BRINP3: variants seen among roughly 807,000 people sequenced by gnomAD.
BRINP3 encodes BMP/retinoic acid-inducible neural-specific protein 3.
In BRINP3, 19 loss-of-function variants were observed where a neutral mutation model predicts 71.0. That is an observed-to-expected ratio of 0.27 (90% CI 0.19 to 0.39). BRINP3 has a LOEUF of 0.39. BRINP3 is among the 10% of genes least tolerant of loss of function. The probability of loss-of-function intolerance (pLI) is 1.00; values close to 1 mark genes in which losing one functional copy is unlikely to be tolerated. For synonymous variants in BRINP3, 380 were observed against 337.7 expected, an observed-to-expected ratio of 1.13 and a Z score of -1.37; for missense variants, 959 against 940.8, an observed-to-expected ratio of 1.02 and a Z score of -0.25.
chr1:190,252,708 T>C (rs1443584195), intron 4 of BRINP3, among the ~76,000 whole-genome samples: 4 of 152,068 alleles, frequency 2.6e-5, no homozygotes, highest in Admixed American at 6.6e-5. Context: ...GATGAGAGAA[T>C]AAACTACTTC....
chr1:190,264,776 A>G (rs1571564915), intron 4 of BRINP3, 89 bp downstream of exon 4: 2 of 994,816 alleles, frequency 2.0e-6, no homozygotes, highest in East Asian at 2.7e-5. Context: ...GTTTAAATTC[A>G]TGGAATAAGC....
At chr1:190,438,434 A>T (rs1674609554) in intron 2 of BRINP3, among the ~76,000 whole-genome samples, 1 of 151,484 alleles carries the variant, frequency 6.6e-6, no homozygotes, top group East Asian at 1.9e-4. Flanking sequence ...TGGTCACACA[A>T]TTAACAAAAT....
At chr1:190,357,754 T>C (rs1330625771) in intron 2 of BRINP3, among the ~76,000 whole-genome samples, 4 of 151,954 alleles carry the variant, frequency 2.6e-5, no homozygotes, top group Non-Finnish European at 5.9e-5. Context: ...ATAAATTACC[T>C]TGGGCAGTAT....
chr1:190,256,102 T>A (rs1660636874), intron 4 of BRINP3, among the ~76,000 whole-genome samples: 2 of 152,194 alleles, frequency 1.3e-5, no homozygotes, highest in Non-Finnish European at 2.9e-5. Flanking sequence ...TAATCCTGAG[T>A]TCTAATTTGA....
At chr1:190,277,444 C>T (rs943772239) in intron 3 of BRINP3, among the ~76,000 whole-genome samples, 11 of 151,156 alleles carry the variant, frequency 7.3e-5, no homozygotes, top group South Asian at 2.1e-4. Context: ...TCAGGAGATG[C>T]GGATAAGGGC....
In BRINP3 at chr1:190,462,165, G is replaced by A. The variant is rs189723105; in HGVS notation, c.-50-7225C>T. Among the ~76,000 whole-genome samples the A allele has an allele frequency of 3.9e-4, 59 of 152,144 alleles. 3 individuals carry two copies. The East Asian group carries it at 0.011, about 27-fold the overall frequency. ...GATTTCAGGTAATCCACTCATCTCAGTCTCCCAAAGTGCTGGGATTACAGG... is the reference window on the plus strand; with the variant it reads ...GATTTCAGGTAATCCACTCATCTCAATCTCCCAAAGTGCTGGGATTACAGG... On this transcript the variant is annotated intron_variant, in intron 1 of 7. Transcript: ENST00000367462.
At chr1:190,352,285 AC>A (rs761602339) in intron 2 of BRINP3, among the ~76,000 whole-genome samples, 7 of 152,036 alleles carry the variant, frequency 4.6e-5, no homozygotes, top group African/African-American at 7.2e-5. Flanking sequence ...GAATCAGTAA[AC>A]CTTAATCTGT....
intron 6 of BRINP3, among the ~76,000 whole-genome samples, chr1:190,182,747 A>G (rs1028434977): frequency 1.2e-4 from 18 of 152,096 alleles, no homozygotes; most frequent in South Asian, 2.1e-4. Flanking sequence ...TAGCATGAGG[A>G]AAACCCTTAC....
intron 2 of BRINP3, among the ~76,000 whole-genome samples, chr1:190,409,028 T>C (rs1158033033): frequency 1.3e-5 from 2 of 152,200 alleles, no homozygotes; most frequent in Non-Finnish European, 2.9e-5. Context: ...CAGCAATGCA[T>C]GTGATAATGC....
chr1:190,377,325 G>T (rs2102226222), intron 2 of BRINP3, among the ~76,000 whole-genome samples: 1 of 151,794 alleles, frequency 6.6e-6, no homozygotes, highest in Middle Eastern at 3.4e-3. Flanking sequence ...TTTCCAGACG[G>T]CAATAAAACT....
At chr1:190,412,383 G>GATATAT (rs1241993594) in intron 2 of BRINP3, among the ~76,000 whole-genome samples, 1 of 96,786 alleles carries the variant, frequency 1.0e-5, no homozygotes, top group Non-Finnish European at 2.1e-5. Flanking sequence ...ACAAAGAAAA[G>GATATAT]ATATATATAT....
intron 7 of BRINP3, among the ~76,000 whole-genome samples, chr1:190,152,887 A>G (rs1352806606): frequency 6.6e-6 from 1 of 152,152 alleles, no homozygotes; most frequent in Non-Finnish European, 1.5e-5. Flanking sequence ...CACATAATAC[A>G]TATAAATGAG....
intron 2 of BRINP3, among the ~76,000 whole-genome samples, chr1:190,385,691 G>T (rs975978473): frequency 6.6e-6 from 1 of 152,036 alleles, no homozygotes; most frequent in African/African-American, 2.4e-5. Context: ...CAGGGATCTA[G>T]AACTAGAAAT....
intron 2 of BRINP3, among the ~76,000 whole-genome samples, chr1:190,444,988 G>A (rs1256431349): frequency 6.6e-6 from 1 of 152,040 alleles, no homozygotes; most frequent in Non-Finnish European, 1.5e-5. Flanking sequence ...ACGTCAGTAA[G>A]AGAAGCAAGT....
chr1:190,389,761 A>G (rs1044096079), intron 2 of BRINP3, among the ~76,000 whole-genome samples: 6 of 151,858 alleles, frequency 4.0e-5, no homozygotes, highest in African/African-American at 1.5e-4. Context: ...AAACCAACTG[A>G]CCATGGGTTT....
At chr1:190,310,132 C>A (rs1479044347) in intron 2 of BRINP3, among the ~76,000 whole-genome samples, 1 of 148,180 alleles carries the variant, frequency 6.7e-6, no homozygotes, top group Admixed American at 6.8e-5. Flanking sequence ...GCAGTTCTAA[C>A]AAACTAAACT....
intron 6 of BRINP3, among the ~76,000 whole-genome samples, chr1:190,201,992 G>A (rs865974021): frequency 5.3e-5 from 8 of 152,268 alleles, no homozygotes; most frequent in African/African-American, 1.9e-4. Flanking sequence ...ACCTAGTGGA[G>A]CTGTGAGAAG....
chr1:190,229,644 A>AC (rs1657755482), intron 5 of BRINP3, among the ~76,000 whole-genome samples: 2 of 115,218 alleles, frequency 1.7e-5, no homozygotes, highest in South Asian at 2.9e-4. Context: ...AAACAAAACA[A>AC]AACACACACA....
At chr1:190,369,354 A>T in intron 2 of BRINP3, among the ~76,000 whole-genome samples, 1 of 152,094 alleles carries the variant, frequency 6.6e-6, no homozygotes, top group Non-Finnish European at 1.5e-5. Flanking sequence ...TTTTCAAATA[A>T]ATCTACTTAA....
Sources: allele counts gnomAD v4.1 joint callset (sites outside exome capture counted in the v4.1 genomes callset), GRCh38; gene constraint gnomAD v4.1.1; transcripts MANE v1.5; gene names NCBI Gene and HGNC (gene_info 2026-07-23, HGNC 2026-07-21).